Variants in TTBK2 observed in about 807,000 individuals in gnomAD.
The protein encoded by TTBK2 is tau tubulin kinase 2, also known as tau-tubulin kinase 2.
TTBK2 carries 28 observed loss-of-function variants against 110.8 expected under a neutral mutation model. The ratio of observed to expected loss-of-function variants is 0.25; its 90% CI spans 0.19 to 0.35. TTBK2 has a LOEUF of 0.35. Ranked by LOEUF, TTBK2 falls within the 10% of genes least tolerant of loss-of-function variation. The pLI, the probability that TTBK2 is intolerant of heterozygous loss-of-function variation, is 1.00. For missense variants in TTBK2, 1,369 were observed against 1,500.3 expected (o/e 0.91, Z 1.45); for synonymous variants, 532 against 527.3 (o/e 1.01, Z -0.12).
chr15:42,854,292 A>G (rs1244153794), intron 3 of TTBK2, among the ~76,000 whole-genome samples: 1 of 152,260 alleles, frequency 6.6e-6, no homozygotes, highest in African/African-American at 2.4e-5. Context: ...AAATATTTAT[A>G]TACCAATTAG....
chr15:42,846,884 G>T (rs1893490174), intron 3 of TTBK2, among the ~76,000 whole-genome samples: 1 of 152,148 alleles, frequency 6.6e-6, no homozygotes, highest in Middle Eastern at 3.2e-3. Context: ...TGAGCTTCTG[G>T]TTTGCTGAAT....
intron 13 of TTBK2, among the ~76,000 whole-genome samples, chr15:42,767,043 T>A (rs1158954043): frequency 6.6e-6 from 1 of 152,036 alleles, no homozygotes; most frequent in African/African-American, 2.4e-5. Flanking sequence ...ACTGGGTAAA[T>A]AACAAAATGA....
chr15:42,839,487 T>C (rs998748936), intron 4 of TTBK2, among the ~76,000 whole-genome samples: 2 of 152,236 alleles, frequency 1.3e-5, no homozygotes, highest in Non-Finnish European at 2.9e-5. Context: ...CTAGGTTGAA[T>C]GGTAGTTCTG....
intron 13 of TTBK2, among the ~76,000 whole-genome samples, chr15:42,753,668 A>G (rs1234521645): frequency 6.6e-6 from 1 of 152,206 alleles, no homozygotes; most frequent in Non-Finnish European, 1.5e-5. Context: ...GGCACTAGTG[A>G]CAGCTACATT....
At chr15:42,753,376 T>G in intron 13 of TTBK2, 129 bp from the exon 14 acceptor site, 1 of 955,764 alleles carries the variant, frequency 1.0e-6, no homozygotes. Flanking sequence ...TCTGCCCAAC[T>G]TATAAGAAAA....
At chr15:42,811,625 T>A in intron 8 of TTBK2, 63 bp downstream of exon 8, 1 of 1,340,404 alleles carries the variant, frequency 7.5e-7, no homozygotes. Flanking sequence ...TCAACAAAAA[T>A]GTTTATTCAG....
intron 1 of TTBK2, among the ~76,000 whole-genome samples, chr15:42,884,395 G>C (rs1895163618): frequency 6.6e-6 from 1 of 152,188 alleles, no homozygotes; most frequent in Non-Finnish European, 1.5e-5. Flanking sequence ...TTTCTGAAGT[G>C]ACTGGGGTGC....
Position 42,770,718 on chromosome 15 carries a change from A to G in TTBK2, c.1998+4417T>C, listed in dbSNP as rs1889631977. ...AGGACATTTGGCCAATCCCCAGTCA[A>G]TATACATACATTCAACCCTTCTGCA... On this transcript the variant is annotated intron_variant, in intron 13 of 14. Transcript: ENST00000267890. Among the ~76,000 whole-genome samples the G allele has an allele frequency of 3.3e-5, 5 of 152,244 alleles. No individual in the cohort carries two copies. In the South Asian group the frequency reaches 1.0e-3, roughly 31 times the overall value.
intron 4 of TTBK2, among the ~76,000 whole-genome samples, chr15:42,836,014 GA>G (rs1457629476): frequency 6.6e-6 from 1 of 152,076 alleles, no homozygotes; most frequent in Non-Finnish European, 1.5e-5. Context: ...TACAGCACTT[GA>G]AAAAATGTTT....
At chr15:42,802,659 A>C (rs564987300) in intron 9 of TTBK2, among the ~76,000 whole-genome samples, 3 of 152,218 alleles carry the variant, frequency 2.0e-5, no homozygotes, top group Non-Finnish European at 4.4e-5. Context: ...TCACATAGCA[A>C]CGGGGATACA....
intron 2 of TTBK2, among the ~76,000 whole-genome samples, chr15:42,876,293 GAGATAAGTTGCTC>G (rs1318098152): frequency 6.6e-6 from 1 of 151,882 alleles, no homozygotes; most frequent in East Asian, 1.9e-4. Flanking sequence ...CCAAATTTTG[GAGATAAGTTGCTC>G]AGATATATTA....
intron 10 of TTBK2, among the ~76,000 whole-genome samples, chr15:42,790,334 G>A (rs1890604400): frequency 6.6e-6 from 1 of 151,256 alleles, no homozygotes. Flanking sequence ...GCCCAGGGTG[G>A]AGTATAGTGG....
chr15:42,885,551 C>A (rs1231850464), intron 1 of TTBK2, among the ~76,000 whole-genome samples: 1 of 152,214 alleles, frequency 6.6e-6, no homozygotes, highest in Admixed American at 6.5e-5. Flanking sequence ...TGCAGGGACG[C>A]CTGCCTGATT....
In TTBK2 at chr15:42,916,444, A is replaced by G. The variant is rs2031087668; in HGVS notation, c.-68+3994T>C. On this transcript the variant is annotated intron_variant, in intron 1 of 14. Transcript: ENST00000267890. ...CGGGTTCAAGCAATTCTCCTGCCTC[A>G]GCCTCCCAAGTAGCTGAGATTACAG... Among the ~76,000 whole-genome samples the G allele has an allele frequency of 3.3e-5, 5 of 152,168 alleles. No individual in the cohort carries two copies. In the South Asian group the frequency reaches 1.0e-3, roughly 32 times the overall value.
At chr15:42,858,953 C>A (rs2141074024) in intron 3 of TTBK2, among the ~76,000 whole-genome samples, 1 of 152,292 alleles carries the variant, frequency 6.6e-6, no homozygotes, top group East Asian at 1.9e-4. Flanking sequence ...TTCCCTCATG[C>A]TTCCAGCAGG....
At chr15:42,768,278 G>A (rs1364223941) in intron 13 of TTBK2, among the ~76,000 whole-genome samples, 50 of 150,194 alleles carry the variant, frequency 3.3e-4, no homozygotes, top group Admixed American at 5.3e-4. Context: ...TCAGGCAAGA[G>A]AAAGAAATAA....
In TTBK2 at chr15:42,765,424, T is replaced by C. The variant is rs578162864; in HGVS notation, c.1998+9711A>G. The stretch of plus-strand genomic sequence containing the variant: ...TAAACAGCGTAGAGAAGACCTTAAA[T>C]GACCTGATGGAGCTGAAAACCATGG... On this transcript the variant is annotated intron_variant, in intron 13 of 14. Coordinates refer to ENST00000267890, the MANE Select transcript of TTBK2 (RefSeq NM_173500.4). Among the ~76,000 whole-genome samples, 10 of 152,310 alleles carry C rather than the reference T, an allele frequency of 6.6e-5. No homozygotes were observed. The East Asian group carries it at 1.9e-3, about 29-fold the overall frequency.
At chr15:42,764,290 A>AGCAGG (rs773952525) in intron 13 of TTBK2, among the ~76,000 whole-genome samples, 71 of 152,350 alleles carry the variant, frequency 4.7e-4, no homozygotes, top group Admixed American at 4.0e-3. Context: ...GGCAAGCTGA[A>AGCAGG]GCAGGGCAGG....
intron 13 of TTBK2, among the ~76,000 whole-genome samples, chr15:42,755,092 T>C (rs1327864485): frequency 6.6e-6 from 1 of 151,286 alleles, no homozygotes; most frequent in Non-Finnish European, 1.5e-5. Flanking sequence ...TTTAATTCTA[T>C]ATGAATAAGA....
Sources: allele counts gnomAD v4.1 joint callset (sites outside exome capture counted in the v4.1 genomes callset), GRCh38; gene constraint gnomAD v4.1.1; transcripts MANE v1.5; gene names NCBI Gene and HGNC (gene_info 2026-07-23, HGNC 2026-07-21).